The following SIMC1 variants were observed in gnomAD, a reference collection of about 807,000 sequenced individuals.
SIMC1 encodes the protein SUMO-interacting motif-containing protein 1.
A neutral mutation model predicts 82.3 loss-of-function variants in SIMC1; 55 were observed. The observed-to-expected ratio is 0.67, with a 90% CI of 0.54 to 0.84. SIMC1 has a LOEUF of 0.84. SIMC1 is among the 40% of genes least tolerant of loss of function. The probability of loss-of-function intolerance (pLI) is 0.00; values close to 1 mark genes in which losing one functional copy is unlikely to be tolerated. For missense variants in SIMC1, 915 were observed against 1,107.2 expected (o/e 0.83, Z 2.46); for synonymous variants, 353 against 426.3 (o/e 0.83, Z 2.12).
In SIMC1 at chr5:176,345,338, G is replaced by A. The variant is rs143911034; in HGVS notation, c.2569G>A (p.Val857Ile). Residue 857 changes from valine (V) to isoleucine (I), a missense_variant, in exon 10 of 10, where the codon GTC (valine) becomes ATC (isoleucine). Physicochemically the swap from Val to Ile is conservative, Grantham distance 29 (BLOSUM62 3). Transcript: ENST00000429602. ...RLIQMLGEPL[V>I]PQLQDKVHLL... ...GATCCAGATGCTGGGGGAGCCTCTT[G>A]TCCCCCAACTCCAAGACAAAGTGCA... The A allele has an allele frequency of 3.6e-4, 588 of 1,613,878 alleles. No individual in the cohort carries two copies. Among genetic ancestry groups the A allele is most frequent in the Non-Finnish European group, 3.5e-4 (417 of 1,179,896 alleles).
In SIMC1 at chr5:176,275,952, G is replaced by A. The variant is rs539489953; in HGVS notation, c.130-13702G>A. On this transcript the variant is annotated intron_variant, in intron 1 of 9. Transcript: ENST00000429602. ...AATTCTCTTTTTTGGTTGTGTCTCT[G>A]CCCGGCTTTGGTATCAGGATGATGC... 9.2e-4 allele frequency among the ~76,000 whole-genome samples: 140 copies of A among 151,686 alleles called. 2 individuals are homozygous for A. Among genetic ancestry groups the A allele is most frequent in the African/African-American group, 2.8e-3 (116 of 41,328 alleles).
chr5:176,277,161 C>T (rs113058979), intron 1 of SIMC1, among the ~76,000 whole-genome samples: 2 of 151,854 alleles, frequency 1.3e-5, no homozygotes, highest in Non-Finnish European at 2.9e-5. Context: ...TAGATGGTAT[C>T]TCATTGTGGT....
intron 1 of SIMC1, among the ~76,000 whole-genome samples, chr5:176,252,396 A>T (rs1761701914): frequency 6.9e-6 from 1 of 145,228 alleles, no homozygotes; most frequent in South Asian, 2.2e-4. Context: ...GGCGGTTGCC[A>T]GGCAGAGGGT....
chr5:176,305,466 G>C (rs796594932), intron 4 of SIMC1, among the ~76,000 whole-genome samples: 2 of 65,782 alleles, frequency 3.0e-5, no homozygotes, highest in Non-Finnish European at 6.3e-5. Flanking sequence ...GCCTCTGCCC[G>C]GCCGCCCCTA....
At chr5:176,253,968 C>T (rs1761772832) in intron 1 of SIMC1, among the ~76,000 whole-genome samples, 1 of 151,844 alleles carries the variant, frequency 6.6e-6, no homozygotes. Context: ...AACTGTGTGG[C>T]CTGTTTTCTT....
At chr5:176,275,940 G>T (rs996076197) in intron 1 of SIMC1, among the ~76,000 whole-genome samples, 2 of 151,436 alleles carry the variant, frequency 1.3e-5, no homozygotes, top group South Asian at 4.2e-4. Context: ...TCTCTTTTTT[G>T]GTTGTGTCTC....
chr5:176,290,066 A>G lies in SIMC1; in HGVS notation c.542A>G (p.Asp181Gly). The G allele has an allele frequency of 6.2e-7, 1 of 1,609,976 alleles. No individual in the cohort carries two copies. The highest frequency in any genetic ancestry group is 8.5e-7 in the Non-Finnish European group (1 of 1,178,024). The change falls in exon 2 of 10, where the codon GAT (aspartate) becomes GGT (glycine). Residue 181 changes from aspartate to glycine, a missense_variant. By Grantham distance (94) the Asp-to-Gly change is moderately conservative. Coordinates refer to ENST00000429602, the MANE Select transcript of SIMC1 (RefSeq NM_001308195.2). ...TTGGCAAGTCTACAGCTGTCTTCAG[A>G]TGTTAGCTCCCTCTCCCCAACAAGC... ...SFLASLQLSS[D>G]VSSLSPTSNN...
chr5:176,319,877 G>A (rs1765083232), intron 5 of SIMC1, among the ~76,000 whole-genome samples: 1 of 152,028 alleles, frequency 6.6e-6, no homozygotes, highest in South Asian at 2.1e-4. Flanking sequence ...TAGATGTCTG[G>A]TAAACCTTGG....
At chr5:176,330,397 T>A (rs1245777275) in intron 7 of SIMC1, among the ~76,000 whole-genome samples, 1 of 129,186 alleles carries the variant, frequency 7.7e-6, no homozygotes, top group African/African-American at 2.9e-5. Context: ...CAAGTCTCCA[T>A]CTCAAAAAAA....
At chr5:176,313,976 C>G in intron 5 of SIMC1, 131 bp downstream of exon 5, 1 of 1,157,978 alleles carries the variant, frequency 8.6e-7, no homozygotes, top group Non-Finnish European at 1.2e-6. Context: ...ATTTTTAAAA[C>G]TATAGATAGA....
chr5:176,312,111 A>AATAT (rs1764688312), intron 4 of SIMC1, among the ~76,000 whole-genome samples: 3 of 152,256 alleles, frequency 2.0e-5, no homozygotes, highest in African/African-American at 7.2e-5. Context: ...AAGAAATCAT[A>AATAT]ATAAAAGCCT....
intron 4 of SIMC1, among the ~76,000 whole-genome samples, chr5:176,311,747 T>C (rs1206090704): frequency 2.0e-5 from 3 of 152,172 alleles, no homozygotes; most frequent in African/African-American, 4.8e-5. Context: ...CTAAAAGTAG[T>C]TAGTAAACGT....
At chr5:176,330,950 A>AT in intron 7 of SIMC1, among the ~76,000 whole-genome samples, 1 of 152,328 alleles carries the variant, frequency 6.6e-6, no homozygotes, top group South Asian at 2.1e-4. Flanking sequence ...AATGGGACAA[A>AT]TTGATGTCAT....
At chr5:176,291,315 C>T (rs574414521) in intron 2 of SIMC1, among the ~76,000 whole-genome samples, 9 of 148,818 alleles carry the variant, frequency 6.0e-5, no homozygotes, top group East Asian at 2.0e-4. Flanking sequence ...AGGCGCATGC[C>T]GCCATGCCCG....
intron 1 of SIMC1, among the ~76,000 whole-genome samples, chr5:176,257,690 G>T (rs1184530855): frequency 6.6e-6 from 1 of 152,166 alleles, no homozygotes; most frequent in Non-Finnish European, 1.5e-5. Flanking sequence ...ATGTACGTAT[G>T]TGTCTCCTTA....
intron 3 of SIMC1, among the ~76,000 whole-genome samples, chr5:176,295,805 G>A (rs915667913): frequency 4.6e-5 from 7 of 152,214 alleles, no homozygotes; most frequent in East Asian, 1.9e-4. Flanking sequence ...CTTCCAGTGG[G>A]AAAGAGTGTC....
rs191976849 is a variant in SIMC1, at chr5:176,296,899, G to C, written c.1734+579G>C. Among the ~76,000 whole-genome samples, 6 of 152,314 alleles carry C rather than the reference G, an allele frequency of 3.9e-5. No homozygotes were observed. In the East Asian group the frequency reaches 1.2e-3, roughly 29 times the overall value. ...CTATGAAAAAAGGGGAAGGATAGCA[G>C]ATTTGAATGAAGATTAGGGAGACCT... On this transcript the variant is annotated intron_variant, in intron 4 of 9. Coordinates refer to ENST00000429602, the MANE Select transcript of SIMC1 (RefSeq NM_001308195.2).
chr5:176,313,411 A>G lies in SIMC1; in HGVS notation c.1735-280A>G, dbSNP rs187356960. ...ATTGCAGCTTAGGTGTTAGAAAATT[A>G]TAATTATCTGCAGATGCCTAGATCC... On this transcript the variant is annotated intron_variant, in intron 4 of 9. Coordinates refer to ENST00000429602, the MANE Select transcript of SIMC1 (RefSeq NM_001308195.2). 83 of 1,546,058 alleles carry G rather than the reference A, an allele frequency of 5.4e-5. No individual in the cohort carries two copies. In the African/African-American group the frequency reaches 9.9e-4, roughly 18 times the overall value.
chr5:176,269,777 A>C (rs1762347277), intron 1 of SIMC1, among the ~76,000 whole-genome samples: 1 of 152,020 alleles, frequency 6.6e-6, no homozygotes, highest in Non-Finnish European at 1.5e-5. Context: ...ATGACGCCTC[A>C]CTCTATTGCC....
Sources: gnomAD v4.1 joint callset for allele counts (sites outside exome capture counted in the v4.1 genomes callset) on GRCh38, gnomAD v4.1.1 for gene constraint, MANE v1.5 for transcripts, NCBI Gene and HGNC (gene_info 2026-07-23, HGNC 2026-07-21) for gene names.